The following ERGIC1 variants were observed in gnomAD, a reference collection of about 807,000 sequenced individuals.
ERGIC1 encodes the protein endoplasmic reticulum-Golgi intermediate compartment protein 1.
ERGIC1 carries 19 observed loss-of-function variants against 38.3 expected under a neutral mutation model. That is an observed-to-expected ratio of 0.50 (90% confidence interval 0.35 to 0.73). ERGIC1 has a LOEUF of 0.73. Ranked by LOEUF, ERGIC1 falls within the 30% of genes least tolerant of loss-of-function variation. The pLI, the probability that ERGIC1 is intolerant of heterozygous loss-of-function variation, is 0.01. For synonymous variants in ERGIC1, 124 were observed against 157.6 expected (o/e 0.79, Z 1.60); for missense variants, 294 against 389.2 (o/e 0.76, Z 2.06).
intron 9 of ERGIC1, chr5:172,937,805 A>G (rs1464206556): frequency 6.6e-6 from 1 of 152,056 alleles, no homozygotes; most frequent in Non-Finnish European, 1.5e-5. Flanking sequence ...GGAGTTCAAG[A>G]CCAGCCTAGC....
At chr5:172,848,964 A>T (rs981490664) in intron 1 of ERGIC1, among the ~76,000 whole-genome samples, 1 of 152,218 alleles carries the variant, frequency 6.6e-6, no homozygotes, top group Non-Finnish European at 1.5e-5. Flanking sequence ...ATGGGAGGCC[A>T]CCACGTGCCA....
intron 3 of ERGIC1, among the ~76,000 whole-genome samples, chr5:172,908,971 C>G (rs997690371): frequency 6.6e-6 from 1 of 152,098 alleles, no homozygotes; most frequent in Non-Finnish European, 1.5e-5. Flanking sequence ...TTATAAGACC[C>G]CTATTTCTCA....
At chr5:172,894,017 A>G (rs1220856316) in intron 2 of ERGIC1, among the ~76,000 whole-genome samples, 2 of 139,094 alleles carry the variant, frequency 1.4e-5, no homozygotes, top group Non-Finnish European at 3.1e-5. Flanking sequence ...AGATCAGGAG[A>G]GACAGACTCA....
At chr5:172,848,893 G>A (rs1460430289) in intron 1 of ERGIC1, among the ~76,000 whole-genome samples, 1 of 152,192 alleles carries the variant, frequency 6.6e-6, no homozygotes, top group Admixed American at 6.5e-5. Context: ...GAGGAATTGG[G>A]AAGTCAGACA....
chr5:172,898,241 G>C (rs564063456), intron 3 of ERGIC1: 1 of 194,216 alleles, frequency 5.1e-6, no homozygotes, highest in African/African-American at 2.3e-5. Flanking sequence ...CTTAGCCCAA[G>C]AAGACTCTCA....
intron 1 of ERGIC1, among the ~76,000 whole-genome samples, chr5:172,854,794 T>C (rs1366562129): frequency 6.6e-6 from 1 of 152,282 alleles, no homozygotes; most frequent in Non-Finnish European, 1.5e-5. Context: ...TCACATGTAT[T>C]TTAATGTCTA....
At chr5:172,942,239 C>T (rs1410532335) in intron 9 of ERGIC1, among the ~76,000 whole-genome samples, 1 of 152,094 alleles carries the variant, frequency 6.6e-6, no homozygotes, top group Non-Finnish European at 1.5e-5. Flanking sequence ...TGACAAGAGA[C>T]AAACTTCAAA....
chr5:172,846,375 G>A lies in ERGIC1; in HGVS notation c.20+11942G>A, dbSNP rs933610399. Among the ~76,000 whole-genome samples the A allele has an allele frequency of 3.3e-5, 5 of 152,238 alleles. No homozygotes were observed. In the South Asian group the frequency reaches 6.2e-4, roughly 19 times the overall value. The stretch of plus-strand genomic sequence containing the variant: ...TTGAGTCACTTCTGAGCCCAGCAGC[G>A]TAAGATGGGGCAGGAGAAGGAGCTT... On this transcript the variant is annotated intron_variant, in intron 1 of 9. Coordinates refer to ENST00000393784, the MANE Select transcript of ERGIC1 (RefSeq NM_001031711.3). This position sits in a 1 kb window ranked among gnomAD's most constrained non-coding sequence, Gnocchi z 4.0.
chr5:172,888,510 A>G (rs377132783), intron 1 of ERGIC1, among the ~76,000 whole-genome samples, 189 bp from the exon 2 acceptor site: 3 of 152,188 alleles, frequency 2.0e-5, no homozygotes, highest in East Asian at 3.9e-4. Context: ...GATGTGATCT[A>G]AGGGTGTTGT....
intron 1 of ERGIC1, among the ~76,000 whole-genome samples, chr5:172,836,959 G>A (rs181029929): frequency 6.6e-6 from 1 of 152,316 alleles, no homozygotes; most frequent in African/African-American, 2.4e-5. Flanking sequence ...GTGGATCTGG[G>A]ATTTGAACTT....
chr5:172,903,397 C>T (rs577649941), intron 3 of ERGIC1, among the ~76,000 whole-genome samples: 8 of 152,226 alleles, frequency 5.3e-5, no homozygotes, highest in Admixed American at 1.3e-4. Flanking sequence ...TGAGGGCCAC[C>T]GGCCCCTCAG....
Position 172,939,703 on chromosome 5 carries a change from T to C in ERGIC1, c.765+4393T>C, listed in dbSNP as rs139997716. 4.2e-3 allele frequency among the ~76,000 whole-genome samples: 646 copies of C among 152,366 alleles called. 8 individuals carry two copies. The highest frequency in any genetic ancestry group is 0.015 in the African/African-American group (610 of 41,598). On this transcript the variant is annotated intron_variant, in intron 9 of 9. Transcript: ENST00000393784. ...CCTGACATCATTAGCCTGGTGGTTC[T>C]TCTGAAGGCCCTGTGCCACCACCTT...
chr5:172,866,617 C>A (rs184011534), intron 1 of ERGIC1, among the ~76,000 whole-genome samples: 1 of 152,230 alleles, frequency 6.6e-6, no homozygotes, highest in Non-Finnish European at 1.5e-5. Flanking sequence ...AGCAAGCCAG[C>A]GAAGTGAGCA....
rs138453624 is a variant in ERGIC1, at chr5:172,950,869, C to T, written c.*53C>T. The T allele has an allele frequency of 8.6e-4, 1,302 of 1,507,624 alleles. 8 individuals carry two copies. The African/African-American group carries it at 0.015, about 17-fold the overall frequency. 93.4% of individuals were successfully genotyped at this position (1,507,624 alleles called of 1,614,324 possible). On this transcript the variant is annotated 3_prime_UTR_variant, in exon 10 of 10. Transcript: ENST00000393784. ...CCCTGGGCATCGCCAGCCTTGCCTC[C>T]AGTGCCCTGTCTCCTTTGGCCCTCA... is the stretch of plus-strand genomic sequence containing the variant.
At chr5:172,867,420 C>T (rs1423707345) in intron 1 of ERGIC1, 1 of 395,492 alleles carries the variant, frequency 2.5e-6, no homozygotes, top group East Asian at 7.5e-5. Context: ...CTGCCCGTAA[C>T]TTTTCCCTGT....
intron 9 of ERGIC1, 48 bp downstream of exon 9, chr5:172,935,358 G>T (rs199565834): frequency 6.2e-7 from 1 of 1,611,544 alleles, no homozygotes; most frequent in South Asian, 1.1e-5. Flanking sequence ...GCCACCCTGC[G>T]CCTGCTCTGG....
chr5:172,854,323 A>G lies in ERGIC1; in HGVS notation c.20+19890A>G, dbSNP rs192360666. ...CTTGAGCCCGGGAGGTTGAGGCTGC[A>G]GTGAGCTGTGTTCACGCCACTTCCA... On this transcript the variant is annotated intron_variant, in intron 1 of 9. Coordinates refer to ENST00000393784, the MANE Select transcript of ERGIC1 (RefSeq NM_001031711.3). Among the ~76,000 whole-genome samples, 14 of 152,270 alleles carry G rather than the reference A, an allele frequency of 9.2e-5. No individual in the cohort carries two copies. The East Asian group carries it at 2.1e-3, about 23-fold the overall frequency.
chr5:172,914,833 A>G lies in ERGIC1; in HGVS notation c.370A>G (p.Asn124Asp). The G allele has an allele frequency of 1.2e-6, 2 of 1,614,172 alleles. No individual in the cohort carries two copies. The highest frequency in any genetic ancestry group is 1.7e-6 in the Non-Finnish European group (2 of 1,180,032). ...GCRFEGQFSI[N>D]KVPGNFHVST... ...CCGCTTCGAGGGGCAGTTCAGCATC[A>G]ACAAGGTATGGAAGCCCTGCCTCAG... The change falls in exon 5 of 10, where the codon AAC becomes GAC. Residue 124 changes from asparagine to aspartate, a missense_variant. Coordinates refer to ENST00000393784, the MANE Select transcript of ERGIC1 (RefSeq NM_001031711.3).
chr5:172,944,370 T>C (rs1171747081), intron 9 of ERGIC1, among the ~76,000 whole-genome samples: 2 of 151,990 alleles, frequency 1.3e-5, no homozygotes, highest in African/African-American at 2.4e-5. Flanking sequence ...CTTTTTTTTT[T>C]TTTCTGAGAC....
Sources: allele counts gnomAD v4.1 joint callset (sites outside exome capture counted in the v4.1 genomes callset), GRCh38; gene constraint gnomAD v4.1.1; non-coding constraint Gnocchi (gnomAD v3.1); transcripts MANE v1.5; gene names NCBI Gene and HGNC (gene_info 2026-07-23, HGNC 2026-07-21).